The following PTPRD variants were observed in gnomAD, a reference collection of about 807,000 sequenced individuals.
PTPRD encodes receptor-type tyrosine-protein phosphatase delta.
PTPRD carries 34 observed loss-of-function variants against 214.5 expected under a neutral mutation model. That is an observed-to-expected ratio of 0.16 (90% CI 0.12 to 0.21). The LOEUF is 0.21. Among genes scored for constraint, PTPRD ranks in the 10% least tolerant of loss-of-function variants. The pLI is 1.00. For synonymous variants in PTPRD, 1,128 were observed against 845.7 expected (o/e 1.33, Z -5.79); for missense variants, 2,545 against 2,398.7 (o/e 1.06, Z -1.27).
intron 8 of PTPRD, among the ~76,000 whole-genome samples, chr9:9,530,876 C>T (rs2075311589): frequency 6.6e-6 from 1 of 151,678 alleles, no homozygotes; most frequent in Non-Finnish European, 1.5e-5. Flanking sequence ...ATACCAGAGG[C>T]CAGGGAAGAA....
At chr9:8,789,424 C>G (rs1354469955) in intron 11 of PTPRD, among the ~76,000 whole-genome samples, 5 of 152,150 alleles carry the variant, frequency 3.3e-5, no homozygotes, top group Non-Finnish European at 5.9e-5. Flanking sequence ...TTCCCACTGA[C>G]CTGCTCTGTA....
At chr9:8,375,783 T>C (rs73640903) in intron 39 of PTPRD, among the ~76,000 whole-genome samples, 153 bp downstream of exon 39, 9,270 of 152,134 alleles carry the variant, frequency 0.061, 789 homozygotes, top group African/African-American at 0.19. Flanking sequence ...ATCCATCCTA[T>C]TGATGTTAGC....
chr9:8,546,992 A>T (rs2140458460), intron 14 of PTPRD, among the ~76,000 whole-genome samples: 1 of 152,284 alleles, frequency 6.6e-6, no homozygotes, highest in Non-Finnish European at 1.5e-5. Flanking sequence ...CCTAACATTA[A>T]CCTGTCTTAC....
intron 30 of PTPRD, among the ~76,000 whole-genome samples, chr9:8,482,924 C>A (rs998358000): frequency 6.6e-6 from 1 of 152,212 alleles, no homozygotes; most frequent in African/African-American, 2.4e-5. Flanking sequence ...ACTTTATTGA[C>A]CCATTCTGAA....
intron 7 of PTPRD, among the ~76,000 whole-genome samples, chr9:9,723,103 G>C (rs1457635578): frequency 6.6e-6 from 1 of 151,940 alleles, no homozygotes; most frequent in Admixed American, 6.6e-5. Context: ...TGTAACACAA[G>C]GTCACAAAGA....
rs111716834 is a variant in PTPRD at position 10,497,130 on chromosome 9, G to T, written c.-600+115268C>A. On this transcript the variant is annotated intron_variant, in intron 2 of 45. Coordinates refer to ENST00000381196, the MANE Select transcript of PTPRD (RefSeq NM_002839.4). ...CATGGACATAAACTTGGGAACAACA[G>T]ATGCTGCAGGCTAATAGAGGGTGGA... 5.5e-3 allele frequency among the ~76,000 whole-genome samples: 834 copies of T among 151,918 alleles called. 6 individuals are homozygous for T. Among genetic ancestry groups the T allele is most frequent in the African/African-American group, 0.019 (804 of 41,450 alleles).
At chr9:10,604,182 G>A (rs1314755025) in intron 2 of PTPRD, among the ~76,000 whole-genome samples, 3 of 750 alleles carry the variant, frequency 4.0e-3, no homozygotes, top group African/African-American at 5.4e-3. Context: ...GACCTATTCT[G>A]ACCATATTCT....
intron 10 of PTPRD, among the ~76,000 whole-genome samples, chr9:9,071,209 T>C (rs1467323461): frequency 6.6e-6 from 1 of 152,232 alleles, no homozygotes; most frequent in Non-Finnish European, 1.5e-5. Flanking sequence ...CCCTTTCGCC[T>C]CTACCCTGAA....
chr9:9,374,976 G>A (rs773898910), intron 9 of PTPRD, among the ~76,000 whole-genome samples: 1 of 152,140 alleles, frequency 6.6e-6, no homozygotes, highest in African/African-American at 2.4e-5. Context: ...TGGATATCAT[G>A]AGCAAAAATA....
intron 6 of PTPRD, among the ~76,000 whole-genome samples, chr9:9,765,327 C>A (rs1356218008): frequency 6.6e-6 from 1 of 152,034 alleles, no homozygotes; most frequent in African/African-American, 2.4e-5. Context: ...TACATATAAC[C>A]GTATTTCCCC....
rs114777847 is a variant in PTPRD at position 8,733,833 on chromosome 9, A to T, written c.11T>A (p.Val4Glu). The part of the protein sequence containing the change: MVH[V>E]ARLLLLLLTF... ...GAGGAGCAGCAGCAGCAGCCTGGCT[A>T]CGTGCACCATCCTGCAGCTTGGCAG... The change falls in exon 12 of 46, where the codon GTA (valine) becomes GAA (glutamate). Residue 4 changes from valine (V) to glutamate (E), a missense_variant. By Grantham distance (121) the Val-to-Glu change is moderately radical (BLOSUM62 -2). Transcript: ENST00000381196. The T allele has an allele frequency of 6.4e-7, 1 of 1,551,960 alleles. No homozygotes were observed. The highest frequency in any genetic ancestry group is 1.2e-5 in the South Asian group (1 of 84,076).
At chr9:9,941,879 C>A (rs1022554883) in intron 4 of PTPRD, among the ~76,000 whole-genome samples, 1 of 152,114 alleles carries the variant, frequency 6.6e-6, no homozygotes, top group Non-Finnish European at 1.5e-5. Flanking sequence ...GAAGAAAAAT[C>A]AGTAGTTATT....
chr9:8,542,802 A>G (rs2078824775), intron 14 of PTPRD, among the ~76,000 whole-genome samples: 1 of 152,196 alleles, frequency 6.6e-6, no homozygotes, highest in Non-Finnish European at 1.5e-5. Context: ...CAGCCTACAC[A>G]CGTGAGCTCA....
At chr9:9,805,473 A>T (rs2099067222) in intron 5 of PTPRD, among the ~76,000 whole-genome samples, 1 of 152,302 alleles carries the variant, frequency 6.6e-6, no homozygotes, top group African/African-American at 2.4e-5. Context: ...GTACCAGCTC[A>T]GTTAAGTGGA....
intron 30 of PTPRD, among the ~76,000 whole-genome samples, chr9:8,478,904 C>T (rs1488248257): frequency 6.6e-6 from 1 of 152,160 alleles, no homozygotes; most frequent in African/African-American, 2.4e-5. Context: ...CCAGAAATGA[C>T]AGCATGGTTT....
intron 10 of PTPRD, among the ~76,000 whole-genome samples, chr9:9,159,266 G>C (rs547340243): frequency 4.6e-5 from 7 of 152,172 alleles, no homozygotes; most frequent in African/African-American, 1.7e-4. Context: ...AAGTGAAATA[G>C]GAAATGAAGA....
At chr9:8,555,484 G>A (rs1380873367) in intron 14 of PTPRD, among the ~76,000 whole-genome samples, 1 of 152,202 alleles carries the variant, frequency 6.6e-6, no homozygotes, top group Non-Finnish European at 1.5e-5. Flanking sequence ...GAGAGTTAAT[G>A]CAGAAGGTTT....
At chr9:8,996,617 C>T (rs1157631142) in intron 11 of PTPRD, among the ~76,000 whole-genome samples, 1 of 152,020 alleles carries the variant, frequency 6.6e-6, no homozygotes, top group Non-Finnish European at 1.5e-5. Context: ...AAGACCAAGG[C>T]ACCAGCAGAT....
chr9:10,203,710 T>C (rs2099446490), intron 3 of PTPRD, among the ~76,000 whole-genome samples: 1 of 152,176 alleles, frequency 6.6e-6, no homozygotes, highest in Non-Finnish European at 1.5e-5. Context: ...CTTTAGTGCA[T>C]GCACATACCT....
Sources: gnomAD v4.1 joint callset for allele counts (sites outside exome capture counted in the v4.1 genomes callset) on GRCh38, gnomAD v4.1.1 for gene constraint, MANE v1.5 for transcripts, NCBI Gene and HGNC (gene_info 2026-07-23, HGNC 2026-07-21) for gene names.